GPC5: variants seen among roughly 807,000 people sequenced by gnomAD.
GPC5 encodes glypican 5, also known as glypican-5.
GPC5 carries 47 observed loss-of-function variants against 53.9 expected under a neutral mutation model. The observed-to-expected ratio is 0.87, with a 90% CI of 0.69 to 1.11. The LOEUF is 1.11. Ranked by LOEUF, GPC5 falls within the 50% of genes most tolerant of loss-of-function variation. The pLI is 0.00. For synonymous variants in GPC5, 286 were observed against 263.3 expected (o/e 1.09, Z -0.84); for missense variants, 748 against 713.1 (o/e 1.05, Z -0.56).
intron 7 of GPC5, among the ~76,000 whole-genome samples, chr13:92,429,739 G>A (rs963308416): frequency 6.6e-6 from 1 of 152,030 alleles, no homozygotes; most frequent in Non-Finnish European, 1.5e-5. Flanking sequence ...CATTCTAAAT[G>A]TTGAACACTA....
intron 7 of GPC5, among the ~76,000 whole-genome samples, chr13:92,449,512 T>C (rs1877974149): frequency 6.6e-6 from 1 of 152,204 alleles, no homozygotes. Flanking sequence ...TACATGACTG[T>C]ATGCTGTATT....
chr13:92,315,122 T>A (rs1197883000), intron 7 of GPC5, among the ~76,000 whole-genome samples: 1 of 152,110 alleles, frequency 6.6e-6, no homozygotes, highest in Non-Finnish European at 1.5e-5. Flanking sequence ...ACTTCAAGGG[T>A]GACATAATTA....
chr13:92,574,101 T>A (rs1456487213), intron 7 of GPC5, among the ~76,000 whole-genome samples: 3 of 152,196 alleles, frequency 2.0e-5, no homozygotes, highest in Admixed American at 6.5e-5. Context: ...ACCTTGTAGT[T>A]ATGTTACTCT....
At chr13:92,572,773 A>T (rs16947810) in intron 7 of GPC5, among the ~76,000 whole-genome samples, 38,041 of 152,074 alleles carry the variant, frequency 0.25, 5,206 homozygotes, top group African/African-American at 0.38. Context: ...TTCTGTATAT[A>T]ACTGAAAGCA....
At chr13:91,433,357 C>G (rs139922699) in intron 1 of GPC5, among the ~76,000 whole-genome samples, 3,133 of 139,522 alleles carry the variant, frequency 0.022, 104 homozygotes, top group African/African-American at 0.077. Flanking sequence ...CCCCTCCCCC[C>G]ACCCCACAAC....
intron 2 of GPC5, among the ~76,000 whole-genome samples, chr13:91,462,326 G>C (rs1881984783): frequency 6.6e-6 from 1 of 152,070 alleles, no homozygotes; most frequent in Non-Finnish European, 1.5e-5. Flanking sequence ...TTTTGATTAT[G>C]CTTTGTGAGT....
chr13:91,546,635 T>A (rs1180315134), intron 2 of GPC5, among the ~76,000 whole-genome samples: 1 of 152,104 alleles, frequency 6.6e-6, no homozygotes. Context: ...AGAAATATTT[T>A]TGTTTCCCTT....
chr13:91,584,075 C>T lies in GPC5; in HGVS notation c.326-109112C>T, dbSNP rs2032470609. Among the ~76,000 whole-genome samples the T allele has an allele frequency of 3.3e-5, 5 of 152,084 alleles. No homozygotes were observed. In the South Asian group the frequency reaches 1.0e-3, roughly 32 times the overall value. ...CTTGTAAGAAGTGGAAATTGGGACA[C>T]ATGCACAGAGGGAAGGCCATTGGAA... is the stretch of plus-strand genomic sequence containing the variant. On this transcript the variant is annotated intron_variant, in intron 2 of 7. Coordinates refer to ENST00000377067, the MANE Select transcript of GPC5 (RefSeq NM_004466.6).
chr13:92,503,670 T>C (rs1039274689), intron 7 of GPC5, among the ~76,000 whole-genome samples: 17 of 151,822 alleles, frequency 1.1e-4, no homozygotes, highest in Non-Finnish European at 2.4e-4. Context: ...ATTATCAATA[T>C]AAAAATTATA....
chr13:92,754,133 G>A (rs530793385), intron 7 of GPC5, among the ~76,000 whole-genome samples: 12 of 152,110 alleles, frequency 7.9e-5, no homozygotes, highest in South Asian at 4.1e-4. Context: ...CGGATCTCTC[G>A]GCAGAAACCC....
intron 6 of GPC5, among the ~76,000 whole-genome samples, chr13:91,965,655 A>G (rs1355686113): frequency 6.6e-6 from 1 of 152,130 alleles, no homozygotes; most frequent in Non-Finnish European, 1.5e-5. Flanking sequence ...TAGGCCTGTC[A>G]TATCCTACAA....
At chr13:92,754,780 C>A (rs1051336755) in intron 7 of GPC5, among the ~76,000 whole-genome samples, 5 of 151,044 alleles carry the variant, frequency 3.3e-5, no homozygotes, top group Admixed American at 2.7e-4. Context: ...GAAGAGCTAA[C>A]TATCCTAAAT....
At position 91,904,317 on chromosome 13, in the gene GPC5, G is replaced by A. The variant is rs571192380; in HGVS notation, c.1281-3620G>A. Among the ~76,000 whole-genome samples, 6 of 151,550 alleles carry A rather than the reference G, an allele frequency of 4.0e-5. No individual in the cohort carries two copies. In the East Asian group the frequency reaches 7.8e-4, roughly 20 times the overall value. On this transcript the variant is annotated intron_variant, in intron 5 of 7. Coordinates refer to ENST00000377067, the MANE Select transcript of GPC5 (RefSeq NM_004466.6). ...TGTTTCCTGAGTAGCTGGGACTAAA[G>A]GCTCATGCCATCACACCTGGCTTGT...
intron 7 of GPC5, among the ~76,000 whole-genome samples, chr13:92,589,759 C>T (rs918561732): frequency 1.3e-5 from 2 of 152,112 alleles, no homozygotes; most frequent in African/African-American, 4.8e-5. Context: ...GAGAGAAGTC[C>T]ACATAGGATT....
At chr13:92,441,138 C>T (rs1276115572) in intron 7 of GPC5, among the ~76,000 whole-genome samples, 1 of 152,104 alleles carries the variant, frequency 6.6e-6, no homozygotes, top group Non-Finnish European at 1.5e-5. Flanking sequence ...GTGGCACGAT[C>T]TCGGCTCACT....
chr13:92,533,439 C>T (rs556286067), intron 7 of GPC5, among the ~76,000 whole-genome samples: 5 of 152,194 alleles, frequency 3.3e-5, no homozygotes, highest in African/African-American at 9.6e-5. Context: ...TATTCATTTA[C>T]TTGTGTTATT....
intron 2 of GPC5, among the ~76,000 whole-genome samples, chr13:91,560,731 C>A (rs1389238407): frequency 6.6e-6 from 1 of 151,706 alleles, no homozygotes; most frequent in Non-Finnish European, 1.5e-5. Context: ...AGCAGCCAAC[C>A]CTATCACACA....
chr13:91,416,218 T>C (rs1282836639), intron 1 of GPC5, among the ~76,000 whole-genome samples: 1 of 152,122 alleles, frequency 6.6e-6, no homozygotes, highest in Non-Finnish European at 1.5e-5. Flanking sequence ...TTATGAGTCC[T>C]TCAGATGCCA....
chr13:91,560,542 G>C (rs1889881), intron 2 of GPC5, among the ~76,000 whole-genome samples: 20,723 of 152,032 alleles, frequency 0.14, 1,823 homozygotes, highest in African/African-American at 0.24. Context: ...TGGGGCAGTT[G>C]CTAATTGGTC....
Sources: allele counts gnomAD v4.1 joint callset (sites outside exome capture counted in the v4.1 genomes callset), GRCh38; gene constraint gnomAD v4.1.1; transcripts MANE v1.5; gene names NCBI Gene and HGNC (gene_info 2026-07-23, HGNC 2026-07-21).